The following PALM2AKAP2 variants were observed in gnomAD, a reference collection of about 807,000 sequenced individuals.
PALM2AKAP2 encodes the protein PALM2-AKAP2 fusion protein.
Under a neutral mutation model 71.5 loss-of-function variants are expected in PALM2AKAP2, and 37 were observed. The observed-to-expected ratio is 0.52, with a 90% confidence interval of 0.40 to 0.68. PALM2AKAP2 has a LOEUF of 0.68. Ranked by LOEUF, PALM2AKAP2 falls within the 30% of genes least tolerant of loss-of-function variation. The pLI is 0.00. For missense variants in PALM2AKAP2, 1,224 were observed against 1,191.8 expected, an observed-to-expected ratio of 1.03 and a Z score of -0.40; for synonymous variants, 468 against 478.8, an observed-to-expected ratio of 0.98 and a Z score of 0.29.
chr9:109,880,420 G>A, intron 2 of PALM2AKAP2, 131 bp from the exon 3 acceptor site: 1 of 1,345,824 alleles, frequency 7.4e-7, no homozygotes. Context: ...AGCCATGTTA[G>A]TGAGGAGGTG....
At chr9:110,123,799 G>A (rs940658189) in intron 1 of PALM2AKAP2, among the ~76,000 whole-genome samples, 2 of 152,146 alleles carry the variant, frequency 1.3e-5, no homozygotes, top group African/African-American at 2.4e-5. Flanking sequence ...GTGGGTCCCG[G>A]GTGCCCCTCT....
At chr9:109,949,027 A>G (rs1357107763) in intron 6 of PALM2AKAP2, among the ~76,000 whole-genome samples, 1 of 152,228 alleles carries the variant, frequency 6.6e-6, no homozygotes, top group African/African-American at 2.4e-5. Flanking sequence ...ACTCCTACCC[A>G]GCCTTCTTCA....
intron 1 of PALM2AKAP2, among the ~76,000 whole-genome samples, chr9:109,814,221 A>G (rs1455195592): frequency 6.6e-6 from 1 of 152,244 alleles, no homozygotes; most frequent in African/African-American, 2.4e-5. Context: ...TTGTACCATC[A>G]TCTAACGTCT....
chr9:110,072,173 T>A (rs1257887037), intron 1 of PALM2AKAP2, among the ~76,000 whole-genome samples: 1 of 152,168 alleles, frequency 6.6e-6, no homozygotes, highest in Non-Finnish European at 1.5e-5. Flanking sequence ...AAACTGTTGA[T>A]GTGGGCAAAA....
intron 1 of PALM2AKAP2, among the ~76,000 whole-genome samples, chr9:109,836,648 G>A (rs1277449226): frequency 1.3e-5 from 2 of 152,164 alleles, no homozygotes; most frequent in East Asian, 3.9e-4. Context: ...TTAGACAAAT[G>A]GCTAACTAGA....
intron 2 of PALM2AKAP2, among the ~76,000 whole-genome samples, chr9:110,141,057 C>A (rs934671064): frequency 6.6e-6 from 1 of 152,192 alleles, no homozygotes; most frequent in African/African-American, 2.4e-5. Context: ...CACCATATTA[C>A]CTCCAACTTT....
chr9:109,839,994 C>A (rs773300033), intron 1 of PALM2AKAP2, among the ~76,000 whole-genome samples: 1 of 152,152 alleles, frequency 6.6e-6, no homozygotes, highest in Admixed American at 6.5e-5. Flanking sequence ...TGACTTTCTT[C>A]ATAGAATTGG....
chr9:110,112,249 C>T, intron 1 of PALM2AKAP2, among the ~76,000 whole-genome samples: 1 of 151,404 alleles, frequency 6.6e-6, no homozygotes, highest in Non-Finnish European at 1.5e-5. Flanking sequence ...CATGACACAT[C>T]ATGTGTTTTG....
At chr9:109,828,783 G>C (rs1005842922) in intron 1 of PALM2AKAP2, among the ~76,000 whole-genome samples, 19 of 152,232 alleles carry the variant, frequency 1.2e-4, no homozygotes, top group African/African-American at 4.6e-4. Context: ...CATGTTTTCT[G>C]ATCCCGTGGA....
chr9:110,054,884 C>T (rs556298243), intron 1 of PALM2AKAP2, among the ~76,000 whole-genome samples: 10 of 152,212 alleles, frequency 6.6e-5, no homozygotes, highest in Non-Finnish European at 8.8e-5. Context: ...GCATGAGCCG[C>T]CATGTGCTGG....
intron 1 of PALM2AKAP2, among the ~76,000 whole-genome samples, chr9:109,712,667 G>A (rs958537557): frequency 3.9e-5 from 6 of 152,194 alleles, no homozygotes; most frequent in Admixed American, 6.5e-5. Context: ...GGAAGTTTAG[G>A]TGTTAGTAGA....
intron 1 of PALM2AKAP2, among the ~76,000 whole-genome samples, chr9:110,109,821 A>G (rs1835205617): frequency 6.6e-6 from 1 of 151,980 alleles, no homozygotes; most frequent in Admixed American, 6.6e-5. Flanking sequence ...GTTTCTTTTA[A>G]AAAAAAAGTT....
intron 1 of PALM2AKAP2, among the ~76,000 whole-genome samples, chr9:110,068,150 G>T (rs1285338767): frequency 1.5e-5 from 2 of 135,144 alleles, no homozygotes; most frequent in African/African-American, 5.9e-5. Context: ...CAGATAGAAT[G>T]ACAGAACATG....
intron 1 of PALM2AKAP2, among the ~76,000 whole-genome samples, chr9:110,063,392 T>C (rs1834005099): frequency 6.6e-6 from 1 of 152,108 alleles, no homozygotes; most frequent in Admixed American, 6.5e-5. Flanking sequence ...TCTCCCAGTG[T>C]CTTCACATGG....
At chr9:109,946,836 A>G (rs1831521730) in intron 6 of PALM2AKAP2, 1 of 152,128 alleles carries the variant, frequency 6.6e-6, no homozygotes, top group Admixed American at 6.6e-5. Flanking sequence ...AATGGTTAAA[A>G]TGATAAAGAT....
intron 1 of PALM2AKAP2, among the ~76,000 whole-genome samples, chr9:109,797,626 G>A (rs773710600): frequency 1.6e-4 from 25 of 152,328 alleles, no homozygotes; most frequent in African/African-American, 2.4e-4. Context: ...TGCAGAAGCC[G>A]TCCGTCACCC....
intron 1 of PALM2AKAP2, among the ~76,000 whole-genome samples, chr9:109,682,361 A>G (rs922094146): frequency 1.3e-5 from 2 of 152,192 alleles, no homozygotes; most frequent in African/African-American, 2.4e-5. Flanking sequence ...CCTTGTACAT[A>G]ATGCACTAGG....
At chr9:110,008,434 A>T (rs1252389235) in intron 6 of PALM2AKAP2, among the ~76,000 whole-genome samples, 1 of 150,746 alleles carries the variant, frequency 6.6e-6, no homozygotes, top group East Asian at 1.9e-4. Context: ...TAATTATTAT[A>T]ATAATAATTA....
intron 1 of PALM2AKAP2, among the ~76,000 whole-genome samples, chr9:109,852,672 T>G (rs1282687907): frequency 1.3e-5 from 2 of 152,250 alleles, no homozygotes; most frequent in African/African-American, 4.8e-5. Context: ...TGTTCCCTTT[T>G]CTCTGCAACC....
Sources: gnomAD v4.1 joint callset for allele counts (sites outside exome capture counted in the v4.1 genomes callset) on GRCh38, gnomAD v4.1.1 for gene constraint, MANE v1.5 for transcripts, NCBI Gene and HGNC (gene_info 2026-07-23, HGNC 2026-07-21) for gene names.